Variants in POU6F2 observed in about 807,000 individuals in gnomAD.
The protein encoded by POU6F2 is POU domain, class 6, transcription factor 2.
In POU6F2, 31 loss-of-function variants were observed where a neutral mutation model predicts 71.3. The observed-to-expected ratio is 0.43, with a 90% CI of 0.33 to 0.59. The LOEUF is 0.59. Ranked by LOEUF, POU6F2 falls within the 20% of genes least tolerant of loss-of-function variation. The pLI is 0.04. For synonymous variants in POU6F2, 347 were observed against 355.7 expected (o/e 0.98, Z 0.27); for missense variants, 783 against 856.8 (o/e 0.91, Z 1.07).
At chr7:39,255,549 G>C (rs550639856) in intron 4 of POU6F2, among the ~76,000 whole-genome samples, 2 of 152,312 alleles carry the variant, frequency 1.3e-5, no homozygotes, top group African/African-American at 4.8e-5. Flanking sequence ...AATGACTGCA[G>C]TCTTAATATT....
intron 4 of POU6F2, among the ~76,000 whole-genome samples, chr7:39,280,808 T>C (rs1784549426): frequency 6.6e-6 from 1 of 152,206 alleles, no homozygotes; most frequent in Non-Finnish European, 1.5e-5. Context: ...GCACTGGGAA[T>C]AAAACATGAA....
intron 9 of POU6F2, among the ~76,000 whole-genome samples, chr7:39,461,658 G>T (rs1009027153): frequency 1.3e-5 from 2 of 152,096 alleles, no homozygotes; most frequent in African/African-American, 4.8e-5. Context: ...TAAGACTAAG[G>T]TTATAAATAA....
At chr7:39,454,345 C>G (rs901145730) in intron 8 of POU6F2, among the ~76,000 whole-genome samples, 3 of 151,910 alleles carry the variant, frequency 2.0e-5, no homozygotes, top group Non-Finnish European at 4.4e-5. Flanking sequence ...ATTATTAACT[C>G]AATCTCCAGC....
intron 1 of POU6F2, among the ~76,000 whole-genome samples, chr7:39,044,207 T>C (rs1229758774): frequency 6.6e-6 from 1 of 151,896 alleles, no homozygotes; most frequent in African/African-American, 2.4e-5. Context: ...AAAGAACGTA[T>C]GGGGTCGATT....
intron 2 of POU6F2, among the ~76,000 whole-genome samples, chr7:39,087,073 A>G (rs1791263168): frequency 6.6e-6 from 1 of 151,932 alleles, no homozygotes; most frequent in Non-Finnish European, 1.5e-5. Flanking sequence ...CTTCAAAAAA[A>G]AAAAAAAAAT....
chr7:39,015,507 TTA>T lies in POU6F2; in HGVS notation c.105+37458_105+37459del, dbSNP rs1429990405. 9.9e-3 allele frequency among the ~76,000 whole-genome samples: 613 copies of T among 61,754 alleles called. 7 individuals are homozygous for T. The highest frequency in any genetic ancestry group is 0.034 in the South Asian group (77 of 2,294). The allele number at this position is 61,754 out of a possible 152,430, so 40.5% of individuals were successfully genotyped here. A position where few individuals can be genotyped will look rare whatever the true frequency, so the allele number is the denominator to read the frequency against. ...TTTTATATAGATATATTATATATTA[TTA>T]TATATATAATATATCTATGTTTTAT... On this transcript the variant is annotated intron_variant, in intron 1 of 9. Coordinates refer to ENST00000518318, the MANE Select transcript of POU6F2 (RefSeq NM_001370959.1).
chr7:39,212,493 A>T (rs763337347), intron 4 of POU6F2, among the ~76,000 whole-genome samples: 32 of 152,238 alleles, frequency 2.1e-4, no homozygotes, highest in Non-Finnish European at 4.4e-4. Flanking sequence ...CTGTGTCCCT[A>T]TGTGAAATAA....
chr7:39,015,157 TAGA>T (rs1162911948), intron 1 of POU6F2, among the ~76,000 whole-genome samples: 1 of 150,396 alleles, frequency 6.6e-6, no homozygotes, highest in Non-Finnish European at 1.5e-5. Flanking sequence ...TTCTTATTCT[TAGA>T]ATTTATTTCC....
At chr7:39,236,816 C>A (rs1794684333) in intron 4 of POU6F2, among the ~76,000 whole-genome samples, 1 of 152,148 alleles carries the variant, frequency 6.6e-6, no homozygotes, top group Non-Finnish European at 1.5e-5. Flanking sequence ...TTATGATACA[C>A]AAATGTATCC....
chr7:39,417,777 G>A (rs1345648046), intron 6 of POU6F2, among the ~76,000 whole-genome samples: 1 of 152,170 alleles, frequency 6.6e-6, no homozygotes, highest in Non-Finnish European at 1.5e-5. Context: ...AAAGAACATG[G>A]ACTTTCAAAT....
chr7:39,456,682 A>G (rs758727569), intron 8 of POU6F2, among the ~76,000 whole-genome samples: 59 of 152,332 alleles, frequency 3.9e-4, no homozygotes, highest in Non-Finnish European at 4.7e-4. Flanking sequence ...ATATTTTGCC[A>G]TCTGAGTTTT....
chr7:39,460,557 G>C lies in POU6F2; in HGVS notation c.1500G>C (p.Thr500=), dbSNP rs371316682. The stretch of plus-strand genomic sequence containing the variant: ...AAAACATCTCCACAGATCCTCAAAC[G>C]GCAGCGGGTGAGGTGGATGGGGTTA... ...SVGQLVSNPQ[T]AAGEVDGVNL... The change falls in exon 9 of 10, where the codon ACG becomes ACC. Residue 500 remains threonine, a synonymous_variant. Coordinates refer to ENST00000518318, the MANE Select transcript of POU6F2 (RefSeq NM_001370959.1). This position sits in a 1 kb window ranked among gnomAD's most constrained non-coding sequence, Gnocchi z 4.4. 25 of 1,613,518 alleles carry C rather than the reference G, an allele frequency of 1.5e-5. No individual in the cohort carries two copies. Among genetic ancestry groups the C allele is most frequent in the Admixed American group, 8.3e-5 (5 of 59,980 alleles).
At chr7:38,978,827 C>T (rs1406562620) in intron 1 of POU6F2, among the ~76,000 whole-genome samples, 1 of 152,246 alleles carries the variant, frequency 6.6e-6, no homozygotes, top group South Asian at 2.1e-4. Flanking sequence ...AGAGCTTTCC[C>T]GCTCTGTCGT....
At chr7:39,357,051 A>G (rs1786276332) in intron 5 of POU6F2, among the ~76,000 whole-genome samples, 2 of 152,336 alleles carry the variant, frequency 1.3e-5, no homozygotes, top group East Asian at 3.9e-4. Context: ...TCTTGTTAAT[A>G]CTTTATAGAT....
intron 4 of POU6F2, among the ~76,000 whole-genome samples, chr7:39,262,453 A>G (rs544186464): frequency 2.6e-5 from 4 of 152,350 alleles, no homozygotes; most frequent in Non-Finnish European, 5.9e-5. Context: ...TAAAAGTTCA[A>G]TGATGGCATC....
intron 4 of POU6F2, among the ~76,000 whole-genome samples, chr7:39,261,098 G>A (rs13241422): frequency 0.12 from 17,275 of 149,214 alleles, 1,085 homozygotes; most frequent in Middle Eastern, 0.18. Flanking sequence ...CACACCCCAC[G>A]CCACAGATCT....
intron 4 of POU6F2, among the ~76,000 whole-genome samples, chr7:39,251,245 G>T (rs1783910149): frequency 6.6e-6 from 1 of 152,168 alleles, no homozygotes; most frequent in Non-Finnish European, 1.5e-5. Context: ...TTTGTGATCA[G>T]CCTGGTCTGT....
chr7:39,451,467 G>T, intron 7 of POU6F2, 66 bp from the exon 8 acceptor site: 1 of 1,456,874 alleles, frequency 6.9e-7, no homozygotes, highest in Non-Finnish European at 9.3e-7. Context: ...TAAAACTTCT[G>T]TTCCCTGGCA....
At chr7:39,154,114 A>G (rs1350129924) in intron 2 of POU6F2, among the ~76,000 whole-genome samples, 3 of 152,250 alleles carry the variant, frequency 2.0e-5, no homozygotes, top group Admixed American at 2.0e-4. Context: ...CTTGTTAGCC[A>G]AACATTTCAA....
Sources: gnomAD v4.1 joint callset for allele counts (sites outside exome capture counted in the v4.1 genomes callset) on GRCh38, gnomAD v4.1.1 for gene constraint, Gnocchi (gnomAD v3.1) non-coding constraint, MANE v1.5 for transcripts, NCBI Gene and HGNC (gene_info 2026-07-23, HGNC 2026-07-21) for gene names.